The following ACOT12 variants were observed in gnomAD, a reference collection of about 807,000 sequenced individuals.
ACOT12 encodes the protein acyl-CoA thioesterase 12.
A neutral mutation model predicts 67.7 loss-of-function variants in ACOT12; 51 were observed. The ratio of observed to expected loss-of-function variants is 0.75; its 90% CI spans 0.60 to 0.95. ACOT12 has a LOEUF of 0.95. Among genes scored for constraint, ACOT12 ranks in the 40% least tolerant of loss-of-function variants. ACOT12 has a pLI of 0.00. For missense variants in ACOT12, 734 were observed against 708.1 expected (o/e 1.04, Z -0.41); for synonymous variants, 251 against 244.6 (o/e 1.03, Z -0.24).
At chr5:81,392,782 T>C (rs1039036718) in intron 1 of ACOT12, among the ~76,000 whole-genome samples, 1 of 152,134 alleles carries the variant, frequency 6.6e-6, no homozygotes, top group Non-Finnish European at 1.5e-5. Context: ...GAATCATTGA[T>C]TTCTCACAAT....
Position 81,385,756 on chromosome 5 carries a change from CCTAG to C in ACOT12, c.194_197del (p.Ala65GlufsTer6). 1 of 1,614,034 alleles carries C rather than the reference CCTAG, an allele frequency of 6.2e-7. No homozygotes were observed. Among genetic ancestry groups the C allele is most frequent in the Non-Finnish European group, 8.5e-7 (1 of 1,179,960 alleles). On this transcript the variant is annotated frameshift_variant and splice_region_variant, in exon 2 of 15. Transcript: ENST00000307624. LOFTEE classifies it high-confidence loss of function. ...AGGAGCCATGGAGCAATGTCACTTA[CCTAG>C]CTGTCTCCTCAAACTGTATGTCATC...
Position 81,393,924 on chromosome 5 carries a change from C to T in ACOT12, c.127+64G>A. The T allele has an allele frequency of 3.9e-6, 5 of 1,281,454 alleles. No individual in the cohort carries two copies. The East Asian group carries it at 1.3e-4, about 34-fold the overall frequency. The allele number at this position is 1,281,454 out of a possible 1,614,324, so 79.4% of individuals were successfully genotyped here. A position where few individuals can be genotyped will look rare whatever the true frequency, so the allele number is the denominator to read the frequency against. The stretch of plus-strand genomic sequence containing the variant: ...CCTCGCCTTCCTACCCCCCCCAGCC[C>T]CCAGCCGCCGCCGCTCCCGCAGCCC... On this transcript the variant is annotated intron_variant, in intron 1 of 14. Transcript: ENST00000307624.
intron 3 of ACOT12, among the ~76,000 whole-genome samples, chr5:81,368,574 T>C (rs1760151656): frequency 6.6e-6 from 1 of 151,860 alleles, no homozygotes; most frequent in South Asian, 2.1e-4. Flanking sequence ...GATTTGGAAA[T>C]TAAACAACAC....
the ACOT12 span, chr5:81,312,685 T>C: frequency 6.5e-7 from 1 of 1,530,074 alleles, no homozygotes; most frequent in South Asian, 1.1e-5. Context: ...CTATCATGAG[T>C]TACTACCTCA....
intron 4 of ACOT12, among the ~76,000 whole-genome samples, chr5:81,361,923 A>G (rs76927505): frequency 0.012 from 1,847 of 152,314 alleles, 34 homozygotes; most frequent in Non-Finnish European, 0.016. Flanking sequence ...CTGTGAACAG[A>G]AATTCAAGTA....
the ACOT12 span, among the ~76,000 whole-genome samples, chr5:81,318,742 A>G: frequency 2.6e-5 from 4 of 152,204 alleles, no homozygotes. Context: ...GTTTGCCTCA[A>G]CTAGTATCAC....
At chr5:81,330,992 G>GA in intron 13 of ACOT12, 52 bp from the exon 14 acceptor site, 1 of 1,513,602 alleles carries the variant, frequency 6.6e-7, no homozygotes, top group East Asian at 2.3e-5. Context: ...ATAGTTGTTA[G>GA]AAAATAAATC....
the ACOT12 span, among the ~76,000 whole-genome samples, chr5:81,317,559 G>T: frequency 6.6e-6 from 1 of 151,232 alleles, no homozygotes; most frequent in African/African-American, 2.4e-5. Context: ...TATACAGGAA[G>T]CATGGCTAAG....
At chr5:81,379,677 G>A (rs10942262) in intron 2 of ACOT12, among the ~76,000 whole-genome samples, 78,448 of 151,892 alleles carry the variant, frequency 0.52, 22,193 homozygotes, top group African/African-American at 0.74. Flanking sequence ...AAGCTTTGAC[G>A]ACATTACCCT....
chr5:81,374,183 T>A (rs1054597174), intron 2 of ACOT12, among the ~76,000 whole-genome samples: 1 of 152,108 alleles, frequency 6.6e-6, no homozygotes, highest in African/African-American at 2.4e-5. Flanking sequence ...CTGCTGGGAA[T>A]ACCTAGGCAA....
At chr5:81,338,498 T>C (rs776553553) in intron 11 of ACOT12, among the ~76,000 whole-genome samples, 15 of 152,186 alleles carry the variant, frequency 9.9e-5, no homozygotes, top group Non-Finnish European at 2.1e-4. Flanking sequence ...TCTGCCACGA[T>C]TGTAAGTTTC....
rs764895161 is a variant in ACOT12, at chr5:81,359,990, G to A, written c.409C>T (p.His137Tyr). 6.2e-7 allele frequency: 1 copy of A among 1,612,764 alleles called. No homozygotes were observed. The highest frequency in any genetic ancestry group is 8.5e-7 in the Non-Finnish European group (1 of 1,179,618). Residue 137 changes from histidine (H) to tyrosine (Y), a missense_variant, in exon 5 of 15, where the codon CAT becomes TAT. By Grantham distance (83) the His-to-Tyr change is moderately conservative (BLOSUM62 2). Coordinates refer to ENST00000307624, the MANE Select transcript of ACOT12 (RefSeq NM_130767.3). ...TTCCTTCTCTCAGCAGCCAGATTATGTTCCACATGATCTTGTTCAGTTAGA... is the reference window on the plus strand; with the variant it reads ...TTCCTTCTCTCAGCAGCCAGATTATATTCCACATGATCTTGTTCAGTTAGA... Reference protein sequence around the residue: ...TLLTEQDHVEHNLAAERRKVR... With the variant: ...TLLTEQDHVEYNLAAERRKVR...
the ACOT12 span, among the ~76,000 whole-genome samples, chr5:81,322,468 C>CAAACA: frequency 1.4e-5 from 2 of 146,600 alleles, no homozygotes; most frequent in African/African-American, 5.0e-5. Context: ...AAAAAATAAA[C>CAAACA]AAAAAAAAAA....
chr5:81,382,482 G>C (rs1229794057), intron 2 of ACOT12, among the ~76,000 whole-genome samples: 1 of 152,102 alleles, frequency 6.6e-6, no homozygotes, highest in African/African-American at 2.4e-5. Context: ...TCAAAGATGG[G>C]GCAGTCTGAA....
chr5:81,365,040 T>C (rs760408028), intron 3 of ACOT12, among the ~76,000 whole-genome samples: 5 of 152,200 alleles, frequency 3.3e-5, no homozygotes, highest in Non-Finnish European at 5.9e-5. Flanking sequence ...GATACTAAAA[T>C]GGGCTAGATT....
intron 5 of ACOT12, among the ~76,000 whole-genome samples, chr5:81,349,677 A>G (rs764313731): frequency 2.0e-5 from 3 of 152,210 alleles, no homozygotes; most frequent in Non-Finnish European, 2.9e-5. Context: ...GTGACCCACT[A>G]GATCCTAAGC....
chr5:81,323,884 G>A, the ACOT12 span, among the ~76,000 whole-genome samples: 13 of 129,708 alleles, frequency 1.0e-4, no homozygotes, highest in Admixed American at 3.4e-4. Context: ...GTGTATATAT[G>A]TATACATATA....
Position 81,363,828 on chromosome 5 carries a change from G to A in ACOT12, c.320C>T (p.Ala107Val), listed in dbSNP as rs757152139. 6.2e-6 allele frequency: 10 copies of A among 1,611,646 alleles called. No homozygotes were observed. The Admixed American group carries it at 1.5e-4, about 24-fold the overall frequency. The part of the protein sequence containing the change: ...LTGIEKLVSV[A>V]FSTFVAKPVG... Reference sequence around the variant, plus strand: ...TGGTTTGGCTACAAATGTGGAGAAAGCCACACTAACAAGCTTCTCAATGCC... The same window carrying A: ...TGGTTTGGCTACAAATGTGGAGAAAACCACACTAACAAGCTTCTCAATGCC... The change falls in exon 4 of 15, where the codon GCT (alanine) becomes GTT (valine). Residue 107 changes from alanine (A) to valine (V), a missense_variant. Ala to Val is a moderately conservative substitution (Grantham distance 64). Coordinates refer to ENST00000307624, the MANE Select transcript of ACOT12 (RefSeq NM_130767.3).
chr5:81,323,135 A>AACT, the ACOT12 span, among the ~76,000 whole-genome samples: 1 of 152,114 alleles, frequency 6.6e-6, no homozygotes, highest in African/African-American at 2.4e-5. Flanking sequence ...GAAAAGAATG[A>AACT]AGGAACAAAC....
Sources: allele counts gnomAD v4.1 joint callset (sites outside exome capture counted in the v4.1 genomes callset), GRCh38; gene constraint gnomAD v4.1.1; transcripts MANE v1.5; gene names NCBI Gene and HGNC (gene_info 2026-07-23, HGNC 2026-07-21).